Variants in REDIC1 observed in about 807,000 individuals in gnomAD.
REDIC1 encodes the protein HEI10 Interacting Protein 1.
the REDIC1 span, among the ~76,000 whole-genome samples, chr12:39,797,117 T>C: frequency 6.6e-6 from 1 of 152,342 alleles, no homozygotes; most frequent in Admixed American, 6.5e-5. Flanking sequence ...TACTGGTTAA[T>C]GAAAACTATT....
the REDIC1 span, among the ~76,000 whole-genome samples, chr12:39,676,029 G>A: frequency 6.6e-6 from 1 of 152,108 alleles, no homozygotes; most frequent in Non-Finnish European, 1.5e-5. Context: ...CTGGTACTAT[G>A]ACAAAACAAG....
At chr12:39,665,897 C>G in the REDIC1 span, among the ~76,000 whole-genome samples, 1 of 152,242 alleles carries the variant, frequency 6.6e-6, no homozygotes, top group Non-Finnish European at 1.5e-5. Flanking sequence ...TATAAGAATG[C>G]TTGTGATTTT....
the REDIC1 span, among the ~76,000 whole-genome samples, chr12:39,833,934 G>A: frequency 2.0e-5 from 3 of 148,556 alleles, 1 homozygote; most frequent in South Asian, 4.3e-4. Flanking sequence ...TACATCCTCC[G>A]AAAGTAGGTC....
At chr12:39,787,791 T>G in the REDIC1 span, among the ~76,000 whole-genome samples, 1 of 152,190 alleles carries the variant, frequency 6.6e-6, no homozygotes, top group African/African-American at 2.4e-5. Context: ...CTGGGAGACC[T>G]ACTTTTAATT....
the REDIC1 span, among the ~76,000 whole-genome samples, chr12:39,663,376 C>T: frequency 6.6e-6 from 1 of 151,886 alleles, no homozygotes; most frequent in Non-Finnish European, 1.5e-5. Context: ...CCTTTGGTTT[C>T]TTTGAAGTGT....
chr12:39,643,873 A>T, the REDIC1 span: 1 of 1,575,194 alleles, frequency 6.3e-7, no homozygotes, highest in Non-Finnish European at 8.7e-7. Context: ...GACATTCTTA[A>T]CCTATATATG....
chr12:39,647,759 G>C, the REDIC1 span: 2 of 1,333,868 alleles, frequency 1.5e-6, no homozygotes, highest in Non-Finnish European at 2.0e-6. Flanking sequence ...ATATATTTTG[G>C]TAATGTAAAT....
At chr12:39,711,370 CATATACA>C in the REDIC1 span, among the ~76,000 whole-genome samples, 1 of 141,392 alleles carries the variant, frequency 7.1e-6, no homozygotes, top group African/African-American at 2.6e-5. Context: ...CATATATACA[CATATACA>C]TATATGTATG....
At chr12:39,685,761 G>C in the REDIC1 span, among the ~76,000 whole-genome samples, 1 of 152,068 alleles carries the variant, frequency 6.6e-6, no homozygotes, top group Admixed American at 6.6e-5. Flanking sequence ...CTGATACAAG[G>C]CAAGTCTCTT....
chr12:39,746,980 A>G, the REDIC1 span, among the ~76,000 whole-genome samples: 2 of 152,236 alleles, frequency 1.3e-5, no homozygotes, highest in Non-Finnish European at 2.9e-5. Context: ...TGGGGAAAAA[A>G]CAAAGCAGAA....
At chr12:39,657,192 T>C in the REDIC1 span, among the ~76,000 whole-genome samples, 1 of 152,222 alleles carries the variant, frequency 6.6e-6, no homozygotes, top group Admixed American at 6.5e-5. Context: ...GCTGTATTTT[T>C]TTCCTATACC....
the REDIC1 span, among the ~76,000 whole-genome samples, chr12:39,715,931 C>T: frequency 6.6e-6 from 1 of 151,894 alleles, no homozygotes; most frequent in African/African-American, 2.4e-5. Context: ...GAGAAACCTG[C>T]TTTTCGGGGG....
the REDIC1 span, chr12:39,788,451 C>A: frequency 6.6e-6 from 1 of 152,084 alleles, no homozygotes; most frequent in African/African-American, 2.4e-5. Context: ...ATATACTGGA[C>A]AAAGGGATGA....
the REDIC1 span, among the ~76,000 whole-genome samples, chr12:39,777,295 G>A: frequency 6.6e-6 from 1 of 152,084 alleles, no homozygotes; most frequent in Non-Finnish European, 1.5e-5. Context: ...ACAAACTCAG[G>A]ATAAGTTCAT....
chr12:39,826,467 GC>G, the REDIC1 span, among the ~76,000 whole-genome samples: 1 of 124,548 alleles, frequency 8.0e-6, no homozygotes, highest in Non-Finnish European at 1.7e-5. Context: ...TTTTTTTTTT[GC>G]CCCTTCTTCT....
chr12:39,867,979 T>A, the REDIC1 span, among the ~76,000 whole-genome samples: 4 of 152,216 alleles, frequency 2.6e-5, no homozygotes, highest in African/African-American at 9.6e-5. Flanking sequence ...TTTTAAGTAA[T>A]CACTTAGTCC....
chr12:39,818,247 A>C, the REDIC1 span, among the ~76,000 whole-genome samples: 4 of 152,046 alleles, frequency 2.6e-5, no homozygotes, highest in Non-Finnish European at 5.9e-5. Flanking sequence ...TGAGGAGTTG[A>C]TTTTTGAAAC....
the REDIC1 span, among the ~76,000 whole-genome samples, chr12:39,837,652 C>G: frequency 6.6e-6 from 1 of 150,702 alleles, no homozygotes; most frequent in East Asian, 1.9e-4. Flanking sequence ...AAGAAAAAAA[C>G]AAACAACCCC....
chr12:39,669,213 A>G, the REDIC1 span, among the ~76,000 whole-genome samples: 2 of 152,012 alleles, frequency 1.3e-5, no homozygotes, highest in Admixed American at 1.3e-4. Flanking sequence ...GATGATGGTG[A>G]CATACATATG....
Sources: allele counts gnomAD v4.1 joint callset (sites outside exome capture counted in the v4.1 genomes callset), GRCh38; gene constraint gnomAD v4.1.1; transcripts MANE v1.5; gene names NCBI Gene and HGNC (gene_info 2026-07-23, HGNC 2026-07-21).